Variants in ACYP1 observed in about 807,000 individuals in gnomAD.
The protein encoded by ACYP1 is acylphosphatase-1.
In ACYP1, 8 loss-of-function variants were observed where a neutral mutation model predicts 10.4. The ratio of observed to expected loss-of-function variants is 0.77; its 90% CI spans 0.45 to 1.38. The LOEUF (loss-of-function observed/expected upper bound fraction) is 1.38, where lower values mean the gene tolerates loss of function less well. Among genes scored for constraint, ACYP1 ranks in the 40% most tolerant of loss-of-function variants. The pLI is 0.00. For synonymous variants in ACYP1, 38 were observed against 40.8 expected (o/e 0.93, Z 0.26); for missense variants, 93 against 117.3 (o/e 0.79, Z 0.96).
chr14:75,053,501 G>C lies in ACYP1; in HGVS notation c.243C>G (p.Phe81Leu), dbSNP rs1318030532. Residue 81 changes from phenylalanine to leucine, a missense_variant, in exon 3 of 3, where the codon TTC becomes TTG. Transcript: ENST00000238618. ...ACTTCAAGATGACTTTTTCATTGTT[G>C]AAGTTTGCTTTGTCGATGTGTGATT... is the stretch of plus-strand genomic sequence containing the variant. ...SPKSHIDKAN[F>L]NNEKVILKLD... The C allele has an allele frequency of 6.2e-7, 1 of 1,614,008 alleles. No individual in the cohort carries two copies. Among genetic ancestry groups the C allele is most frequent in the Non-Finnish European group, 8.5e-7 (1 of 1,180,036 alleles).
intron 2 of ACYP1, among the ~76,000 whole-genome samples, chr14:75,056,889 T>C (rs1023502971): frequency 6.6e-6 from 1 of 151,630 alleles, no homozygotes; most frequent in African/African-American, 2.4e-5. Flanking sequence ...AGGGAATCTG[T>C]GAAAAACCCA....
chr14:75,064,627 G>A (rs1226859887), upstream of ACYP1, among the ~76,000 whole-genome samples: 2 of 152,094 alleles, frequency 1.3e-5, no homozygotes, highest in African/African-American at 4.8e-5. Context: ...CCAGCTACTC[G>A]GGAGGCTGAG....
At chr14:75,066,462 G>C (rs1336408429), upstream of ACYP1, among the ~76,000 whole-genome samples, 1 of 152,162 alleles carries the variant, frequency 6.6e-6, no homozygotes, top group Non-Finnish European at 1.5e-5. Context: ...GATATTGAAG[G>C]CAAGAGCAGA....
chr14:75,053,754 C>G (rs958390944), intron 2 of ACYP1, 95 bp from the exon 3 acceptor site: 1 of 1,150,106 alleles, frequency 8.7e-7, no homozygotes, highest in East Asian at 2.4e-5. Context: ...AGAATCAAGC[C>G]ACTGAAACTA....
intron 2 of ACYP1, among the ~76,000 whole-genome samples, chr14:75,059,026 C>T (rs555999392): frequency 4.4e-4 from 66 of 150,590 alleles, no homozygotes; most frequent in Non-Finnish European, 8.4e-4. Flanking sequence ...GGTGAAACCC[C>T]GTCGCTACTA....
In ACYP1 at chr14:75,063,449, CA is replaced by C. The variant is rs756770539; in HGVS notation, c.84+20del. ...ATGCCCACAACCTAGGTTACCACCC[CA>C]AAGCCTGCAGGCCACATACCTGAGT... On this transcript the variant is annotated intron_variant, in intron 2 of 2. Coordinates refer to ENST00000238618, the MANE Select transcript of ACYP1 (RefSeq NM_001107.5). 1.3e-5 allele frequency: 21 copies of C among 1,608,680 alleles called. No homozygotes were observed. In the African/African-American group the frequency reaches 2.7e-4, roughly 20 times the overall value.
intron 2 of ACYP1, among the ~76,000 whole-genome samples, chr14:75,060,592 T>C (rs774711545): frequency 6.6e-6 from 1 of 152,170 alleles, no homozygotes; most frequent in Non-Finnish European, 1.5e-5. Context: ...CAAATTTCCA[T>C]CAATTGATGA....
upstream of ACYP1, among the ~76,000 whole-genome samples, chr14:75,064,765 C>T (rs1893115289): frequency 6.6e-6 from 1 of 152,060 alleles, no homozygotes; most frequent in South Asian, 2.1e-4. Context: ...AAAAAATAAA[C>T]ATCATAAATA....
Position 75,063,436 on chromosome 14 carries a change from T to A in ACYP1, c.84+34A>T, listed in dbSNP as rs748093175. 8 of 1,579,204 alleles carry A rather than the reference T, an allele frequency of 5.1e-6. No individual in the cohort carries two copies. The African/African-American group carries it at 5.4e-5, about 11-fold the overall frequency. On this transcript the variant is annotated intron_variant, in intron 2 of 2. Coordinates refer to ENST00000238618, the MANE Select transcript of ACYP1 (RefSeq NM_001107.5). ...GTCCCTTGTTCCTATGCCCACAACC[T>A]AGGTTACCACCCCAAAGCCTGCAGG...
intron 2 of ACYP1, among the ~76,000 whole-genome samples, chr14:75,059,449 T>A (rs957570310): frequency 5.9e-5 from 9 of 152,140 alleles, no homozygotes; most frequent in African/African-American, 2.2e-4. Flanking sequence ...ACAGATAAAT[T>A]TGATTTGACT....
At position 75,058,398 on chromosome 14, in the gene ACYP1, G is replaced by A. The variant is rs1020829985; in HGVS notation, c.85-4739C>T. Among the ~76,000 whole-genome samples the A allele has an allele frequency of 2.0e-5, 3 of 151,242 alleles. No homozygotes were observed. In the East Asian group the frequency reaches 5.8e-4, roughly 29 times the overall value. On this transcript the variant is annotated intron_variant, in intron 2 of 2. Transcript: ENST00000238618. ...CTGGAGGCAGAGGTTGCAGTGAGCC[G>A]AGATTGTGTCACTGCACTCTAGCCT...
intron 2 of ACYP1, chr14:75,062,924 G>A (rs1893064158): frequency 1.3e-5 from 2 of 153,550 alleles, no homozygotes. Context: ...CACCTATTCT[G>A]GAATGGATAA....
intron 2 of ACYP1, among the ~76,000 whole-genome samples, chr14:75,056,571 A>G (rs921642278): frequency 2.7e-5 from 4 of 150,648 alleles, no homozygotes; most frequent in Non-Finnish European, 5.9e-5. Flanking sequence ...CTGTCACGAG[A>G]AAAAACAACC....
upstream of ACYP1, among the ~76,000 whole-genome samples, chr14:75,068,949 GTATCATT>G (rs982483218): frequency 2.2e-4 from 33 of 152,322 alleles, no homozygotes; most frequent in Non-Finnish European, 2.6e-4. Context: ...ACAAGATAGA[GTATCATT>G]TACTGTTGAA....
rs1893085216 is a variant in ACYP1, at chr14:75,063,645, C to A, written c.-8-84G>T. 2.1e-5 allele frequency: 23 copies of A among 1,089,910 alleles called. 2 individuals carry two copies. The South Asian group carries it at 2.5e-4, about 12-fold the overall frequency. 67.5% of individuals were successfully genotyped at this position (1,089,910 alleles called of 1,614,324 possible). ...TGAGTCAGAAAGGGCCACACCCACC[C>A]CTGTCCATCCTTAACCATTGCGACC... On this transcript the variant is annotated intron_variant, in intron 1 of 2. Coordinates refer to ENST00000238618, the MANE Select transcript of ACYP1 (RefSeq NM_001107.5).
At chr14:75,055,109 C>T (rs1373499216) in intron 2 of ACYP1, among the ~76,000 whole-genome samples, 7 of 97,374 alleles carry the variant, frequency 7.2e-5, no homozygotes, top group South Asian at 3.6e-4. Flanking sequence ...TTTTTTGAGA[C>T]GGAGTCTCGC....
At chr14:75,059,058 C>T (rs1014553475) in intron 2 of ACYP1, among the ~76,000 whole-genome samples, 1 of 150,170 alleles carries the variant, frequency 6.7e-6, no homozygotes, top group African/African-American at 2.5e-5. Context: ...ATTAGTTGGG[C>T]GTGATATAGC....
intron 2 of ACYP1, among the ~76,000 whole-genome samples, chr14:75,059,091 A>G (rs1257981699): frequency 1.3e-5 from 2 of 148,282 alleles, no homozygotes; most frequent in Non-Finnish European, 3.0e-5. Flanking sequence ...TCAGCTACTC[A>G]GGAGAATCGC....
At position 75,069,134 on chromosome 14, in the gene ACYP1, T is replaced by C. The variant is rs910756360; in HGVS notation, c.82+76A>G. The C allele has an allele frequency of 1.2e-5, 16 of 1,369,260 alleles. No individual in the cohort carries two copies. The African/African-American group carries it at 1.8e-4, about 16-fold the overall frequency. 84.8% of individuals were successfully genotyped at this position (1,369,260 alleles called of 1,614,324 possible). On this transcript the variant is annotated intron_variant, in intron 1 of 2. Transcript: ENST00000555463. ...CACAAAAACTACCACGGAAAGATAC[T>C]GCGTAGCAAAAACGTTGGCAGCAAG...
Sources: allele counts gnomAD v4.1 joint callset (sites outside exome capture counted in the v4.1 genomes callset), GRCh38; gene constraint gnomAD v4.1.1; transcripts MANE v1.5; gene names NCBI Gene and HGNC (gene_info 2026-07-23, HGNC 2026-07-21).